QTMAN: variants seen among roughly 807,000 people sequenced by gnomAD.
QTMAN encodes queuosine-tRNA mannosyltransferase.
chr2:144,178,196 T>G, the QTMAN span: 1 of 152,180 alleles, frequency 6.6e-6, no homozygotes, highest in South Asian at 2.1e-4. Context: ...GGTTCAAGTT[T>G]TGACTCTAAA....
chr2:144,293,071 G>A, the QTMAN span, among the ~76,000 whole-genome samples: 1 of 152,118 alleles, frequency 6.6e-6, no homozygotes, highest in Non-Finnish European at 1.5e-5. Context: ...GTAAACAGGA[G>A]AAGAAATAAA....
At chr2:144,131,203 T>A in the QTMAN span, among the ~76,000 whole-genome samples, 5 of 151,856 alleles carry the variant, frequency 3.3e-5, no homozygotes, top group African/African-American at 1.2e-4. Flanking sequence ...CTCTGACTCA[T>A]CTCTGACTCA....
At chr2:143,966,219 G>A in the QTMAN span, among the ~76,000 whole-genome samples, 1 of 152,140 alleles carries the variant, frequency 6.6e-6, no homozygotes, top group East Asian at 1.9e-4. Context: ...TAACCTCCCT[G>A]TGCCTTACTT....
At chr2:144,115,390 T>C in the QTMAN span, among the ~76,000 whole-genome samples, 1 of 152,350 alleles carries the variant, frequency 6.6e-6, no homozygotes, top group East Asian at 1.9e-4. Flanking sequence ...TTGGCCAATC[T>C]TGATTCTCTG....
the QTMAN span, among the ~76,000 whole-genome samples, chr2:144,133,128 TATATATATATATATATATATATA>T: frequency 5.6e-3 from 251 of 44,890 alleles, 10 homozygotes; most frequent in African/African-American, 0.026. Flanking sequence ...TATATATATA[TATATATATATATATATATATATA>T]ATATAATATA....
the QTMAN span, among the ~76,000 whole-genome samples, chr2:143,982,342 T>G: frequency 1.3e-5 from 2 of 152,062 alleles, no homozygotes; most frequent in African/African-American, 4.8e-5. Context: ...GCAATTCTCC[T>G]GTCTCAGCTT....
chr2:144,281,391 A>T, the QTMAN span, among the ~76,000 whole-genome samples: 5 of 111,688 alleles, frequency 4.5e-5, 1 homozygote, highest in South Asian at 1.3e-3. Flanking sequence ...CAGCATTGTT[A>T]TAGCAAAAAA....
the QTMAN span, among the ~76,000 whole-genome samples, chr2:144,226,982 A>G: frequency 3.3e-5 from 5 of 152,112 alleles, no homozygotes; most frequent in Admixed American, 6.5e-5. Context: ...ACCTCTTAAG[A>G]TTTCTTTTGG....
the QTMAN span, among the ~76,000 whole-genome samples, chr2:144,110,726 T>C: frequency 2.1e-3 from 305 of 145,720 alleles, 1 homozygote; most frequent in African/African-American, 7.4e-3. Flanking sequence ...TAATGAAATC[T>C]TACATTACGA....
the QTMAN span, among the ~76,000 whole-genome samples, chr2:144,002,981 T>C: frequency 6.6e-5 from 10 of 151,986 alleles, no homozygotes; most frequent in African/African-American, 2.2e-4. Context: ...ACTTAGACAT[T>C]ATAGATTTTT....
chr2:144,200,369 A>T, the QTMAN span, among the ~76,000 whole-genome samples: 1 of 152,234 alleles, frequency 6.6e-6, no homozygotes, highest in Non-Finnish European at 1.5e-5. Context: ...AAAACTAAAA[A>T]GCCTTAAAAT....
chr2:144,326,565 CA>C, the QTMAN span, among the ~76,000 whole-genome samples: 4 of 118,064 alleles, frequency 3.4e-5, no homozygotes, highest in Non-Finnish European at 6.5e-5. Flanking sequence ...CCAGCCTGGG[CA>C]ACAGAGTGAG....
At chr2:144,302,319 G>A in the QTMAN span, among the ~76,000 whole-genome samples, 1 of 151,996 alleles carries the variant, frequency 6.6e-6, no homozygotes, top group African/African-American at 2.4e-5. Flanking sequence ...CATAAAATAA[G>A]TAAAAAGAAA....
chr2:144,103,633 A>T, the QTMAN span, among the ~76,000 whole-genome samples: 1 of 152,210 alleles, frequency 6.6e-6, no homozygotes, highest in Admixed American at 6.5e-5. Flanking sequence ...TAGCTACCAA[A>T]ATTAAAATAA....
the QTMAN span, among the ~76,000 whole-genome samples, chr2:144,144,222 G>A: frequency 1.3e-5 from 2 of 151,862 alleles, no homozygotes; most frequent in Admixed American, 6.6e-5. Context: ...TCCCTCAAAC[G>A]GCATGTGACC....
At chr2:144,062,037 A>G in the QTMAN span, among the ~76,000 whole-genome samples, 1 of 152,182 alleles carries the variant, frequency 6.6e-6, no homozygotes, top group Non-Finnish European at 1.5e-5. Flanking sequence ...CTTGAAGTCC[A>G]TGTGACCTGA....
chr2:144,178,471 T>C, the QTMAN span: 2 of 152,354 alleles, frequency 1.3e-5, no homozygotes, highest in Admixed American at 6.6e-5. Context: ...AAATGCAGGT[T>C]GACACTGTAT....
chr2:143,998,408 T>C, the QTMAN span, among the ~76,000 whole-genome samples: 2 of 151,628 alleles, frequency 1.3e-5, no homozygotes, highest in African/African-American at 2.4e-5. Flanking sequence ...AGCTAATGAG[T>C]TGCATAGCCA....
chr2:144,004,889 A>G, the QTMAN span, among the ~76,000 whole-genome samples: 5 of 151,974 alleles, frequency 3.3e-5, no homozygotes, highest in Non-Finnish European at 5.9e-5. Flanking sequence ...TGATGTCCCC[A>G]CAAGAGTTTT....
Sources: allele counts gnomAD v4.1 joint callset (sites outside exome capture counted in the v4.1 genomes callset), GRCh38; gene constraint gnomAD v4.1.1; transcripts MANE v1.5; gene names NCBI Gene and HGNC (gene_info 2026-07-23, HGNC 2026-07-21).